RORA: variants seen among roughly 807,000 people sequenced by gnomAD.
RORA encodes the protein RAR related orphan receptor A.
In RORA, 7 loss-of-function variants were observed where a neutral mutation model predicts 69.5. The observed-to-expected ratio is 0.10, with a 90% CI of 0.06 to 0.19. The LOEUF (loss-of-function observed/expected upper bound fraction) is 0.19, where lower values mean the gene tolerates loss of function less well. RORA is among the 10% of genes least tolerant of loss of function. The pLI, the probability that RORA is intolerant of heterozygous loss-of-function variation, is 1.00. For missense variants in RORA, 457 were observed against 663.0 expected (o/e 0.69, Z 3.41); for synonymous variants, 261 against 240.8 (o/e 1.08, Z -0.78).
chr15:60,496,936 G>GT lies in RORA; in HGVS notation c.*518dup, dbSNP rs1421659670. 6.6e-6 allele frequency: 1 copy of GT among 152,558 alleles called. No homozygotes were observed. Among genetic ancestry groups the GT allele is most frequent in the Non-Finnish European group, 1.5e-5 (1 of 68,364 alleles). 9.5% of individuals were successfully genotyped at this position (152,558 alleles called of 1,614,324 possible). A position where few individuals can be genotyped will look rare whatever the true frequency, so the allele number is the denominator to read the frequency against. ...CCCTGTAATATATTATAATGCTATT[G>GT]TTGCTACTGCTATGGACCCTTTTCA... On this transcript the variant is annotated 3_prime_UTR_variant, in exon 11 of 11. Coordinates refer to ENST00000335670, the MANE Select transcript of RORA (RefSeq NM_134261.3). This position sits in a 1 kb window ranked among gnomAD's most constrained non-coding sequence, Gnocchi z 4.5.
At chr15:60,943,916 CAA>C (rs545168599) in intron 1 of RORA, among the ~76,000 whole-genome samples, 10,546 of 31,378 alleles carry the variant, frequency 0.34, 900 homozygotes, top group East Asian at 0.57. Flanking sequence ...ACTCCATCTC[CAA>C]AAAAAAAAAA....
intron 3 of RORA, among the ~76,000 whole-genome samples, chr15:60,523,608 CT>C (rs2066251121): frequency 6.6e-6 from 1 of 152,160 alleles, no homozygotes; most frequent in African/African-American, 2.4e-5. Context: ...ATGCTTCCCC[CT>C]GACTTTGGAT....
At chr15:61,219,429 T>A in intron 1 of RORA, among the ~76,000 whole-genome samples, 1 of 152,048 alleles carries the variant, frequency 6.6e-6, no homozygotes, top group Non-Finnish European at 1.5e-5. Context: ...AAAAAAATCA[T>A]CTGGGCGCGG....
chr15:60,707,457 G>A (rs547497830), intron 1 of RORA, among the ~76,000 whole-genome samples: 2 of 151,706 alleles, frequency 1.3e-5, no homozygotes, highest in South Asian at 2.1e-4. Flanking sequence ...TCCGCCTCCC[G>A]GGTTCACGCC....
chr15:61,032,044 G>A (rs1406619350), intron 1 of RORA, among the ~76,000 whole-genome samples: 2 of 152,192 alleles, frequency 1.3e-5, no homozygotes, highest in Non-Finnish European at 2.9e-5. Context: ...CACAAGGGAA[G>A]TACACTGTGA....
At chr15:60,805,820 G>A (rs2072652488) in intron 1 of RORA, among the ~76,000 whole-genome samples, 1 of 152,198 alleles carries the variant, frequency 6.6e-6, no homozygotes, top group East Asian at 1.9e-4. Context: ...TGCCAACTAA[G>A]AGGGTCATTT....
At chr15:60,852,803 G>A (rs2073340015) in intron 1 of RORA, among the ~76,000 whole-genome samples, 1 of 152,062 alleles carries the variant, frequency 6.6e-6, no homozygotes, top group Non-Finnish European at 1.5e-5. Context: ...AAATGGCTGT[G>A]GTTCCTCTCG....
At chr15:60,645,912 A>G (rs766278423) in intron 2 of RORA, among the ~76,000 whole-genome samples, 2 of 151,908 alleles carry the variant, frequency 1.3e-5, no homozygotes, top group Non-Finnish European at 2.9e-5. Flanking sequence ...ACACTTCTCT[A>G]TGTAAAAGAT....
At position 61,147,161 on chromosome 15, in the gene RORA, T is replaced by C. The variant is rs924653821; in HGVS notation, c.166+81892A>G. ...TCTGGCCATTTTCGGGCTTATTTTA[T>C]TCCCCAGAACCTTTGCATGCGTCAA... On this transcript the variant is annotated intron_variant, in intron 1 of 10. Coordinates refer to ENST00000335670, the MANE Select transcript of RORA (RefSeq NM_134261.3). This position sits in a 1 kb window ranked among gnomAD's most constrained non-coding sequence, Gnocchi z 4.1. 6.6e-6 allele frequency among the ~76,000 whole-genome samples: 1 copy of C among 152,184 alleles called. No homozygotes were observed. The highest frequency in any genetic ancestry group is 2.4e-5 in the African/African-American group (1 of 41,448).
intron 1 of RORA, among the ~76,000 whole-genome samples, chr15:61,043,242 A>G (rs745459077): frequency 3.9e-5 from 6 of 152,070 alleles, no homozygotes; most frequent in Non-Finnish European, 5.9e-5. Flanking sequence ...CAGAGCTAAC[A>G]CTCTAACCCA....
intron 1 of RORA, chr15:61,181,208 C>G (rs1472780874): frequency 6.6e-6 from 1 of 152,002 alleles, no homozygotes; most frequent in Admixed American, 6.6e-5. Flanking sequence ...TAGTAACATT[C>G]CATATGTTTC....
chr15:61,143,848 G>A (rs2140865767), intron 1 of RORA, among the ~76,000 whole-genome samples: 1 of 152,176 alleles, frequency 6.6e-6, no homozygotes, highest in Non-Finnish European at 1.5e-5. Context: ...AATAATCTTA[G>A]CATAAGGGAG....
At chr15:60,822,459 G>A (rs2072905394) in intron 1 of RORA, among the ~76,000 whole-genome samples, 1 of 152,168 alleles carries the variant, frequency 6.6e-6, no homozygotes, top group African/African-American at 2.4e-5. Context: ...CAGTGGAAAC[G>A]CTCCACACTG....
At chr15:60,499,288 A>G (rs1204037005) in intron 10 of RORA, among the ~76,000 whole-genome samples, 1 of 152,106 alleles carries the variant, frequency 6.6e-6, no homozygotes, top group Non-Finnish European at 1.5e-5. Flanking sequence ...TCTCAGCTCT[A>G]TGGGAGGTGG....
intron 1 of RORA, among the ~76,000 whole-genome samples, chr15:60,892,291 A>C (rs1323650461): frequency 2.6e-5 from 4 of 152,248 alleles, no homozygotes; most frequent in African/African-American, 9.6e-5. Context: ...CAAGTACTCC[A>C]TTTAAATAAG....
chr15:61,169,786 A>G (rs527951553), intron 1 of RORA, among the ~76,000 whole-genome samples: 389 of 152,208 alleles, frequency 2.6e-3, no homozygotes, highest in African/African-American at 9.0e-3. Flanking sequence ...GAAAAAAAAG[A>G]AACAGCTCAC....
chr15:61,217,736 T>C (rs1018103945), intron 1 of RORA, among the ~76,000 whole-genome samples: 2 of 152,114 alleles, frequency 1.3e-5, no homozygotes, highest in African/African-American at 4.8e-5. Flanking sequence ...CCTTGGGCTC[T>C]TACACACTGA....
chr15:60,732,360 G>C (rs1480155282), intron 1 of RORA, among the ~76,000 whole-genome samples: 1 of 152,140 alleles, frequency 6.6e-6, no homozygotes, highest in Admixed American at 6.5e-5. Flanking sequence ...ATTCCTGAGA[G>C]GCAGCAAAGT....
chr15:60,777,482 C>A (rs925096645), intron 1 of RORA, among the ~76,000 whole-genome samples: 4 of 152,306 alleles, frequency 2.6e-5, no homozygotes, highest in Admixed American at 6.5e-5. Flanking sequence ...GTGCTCATTT[C>A]ATCACTTCTA....
Sources: gnomAD v4.1 joint callset for allele counts (sites outside exome capture counted in the v4.1 genomes callset) on GRCh38, gnomAD v4.1.1 for gene constraint, Gnocchi (gnomAD v3.1) non-coding constraint, MANE v1.5 for transcripts, NCBI Gene and HGNC (gene_info 2026-07-23, HGNC 2026-07-21) for gene names.